The following DPP6 variants were observed in gnomAD, a reference collection of about 807,000 sequenced individuals.
DPP6 encodes the protein dipeptidyl peptidase like 6, also known as A-type potassium channel modulatory protein DPP6.
In DPP6, 69 loss-of-function variants were observed where a neutral mutation model predicts 122.6. That is an observed-to-expected ratio of 0.56 (90% CI 0.46 to 0.69). DPP6 has a LOEUF of 0.69. Ranked by LOEUF, DPP6 falls within the 30% of genes least tolerant of loss-of-function variation. The probability of loss-of-function intolerance (pLI) is 0.00; values close to 1 mark genes in which losing one functional copy is unlikely to be tolerated. For missense variants in DPP6, 928 were observed against 1,116.9 expected (o/e 0.83, Z 2.41); for synonymous variants, 418 against 433.1 (o/e 0.97, Z 0.43).
At chr7:154,218,260 C>G (rs1015189603) in intron 1 of DPP6, among the ~76,000 whole-genome samples, 2 of 152,254 alleles carry the variant, frequency 1.3e-5, no homozygotes, top group Admixed American at 1.3e-4. Context: ...TCTGGGGTCC[C>G]TAATCCACAC....
intron 1 of DPP6, among the ~76,000 whole-genome samples, chr7:154,405,968 C>T (rs1434048724): frequency 1.3e-5 from 2 of 152,068 alleles, no homozygotes; most frequent in Non-Finnish European, 2.9e-5. Flanking sequence ...ATTTGAAATG[C>T]GATGCGTAAC....
chr7:154,044,205 A>G lies in DPP6; in HGVS notation c.51+156471A>G, dbSNP rs535014244. Among the ~76,000 whole-genome samples the G allele has an allele frequency of 1.5e-4, 23 of 152,288 alleles. No individual in the cohort carries two copies. The South Asian group carries it at 3.5e-3, about 23-fold the overall frequency. On this transcript the variant is annotated intron_variant, in intron 1 of 25. Transcript: ENST00000404039. ...AATTGTTGAGAGAATTACTTTTTTGATTACCAAATTACTATGATTTGAAAT... is the reference window on the plus strand; with the variant it reads ...AATTGTTGAGAGAATTACTTTTTTGGTTACCAAATTACTATGATTTGAAAT...
chr7:153,877,386 GTTTA>G, the DPP6 span, among the ~76,000 whole-genome samples: 1 of 151,910 alleles, frequency 6.6e-6, no homozygotes, highest in Non-Finnish European at 1.5e-5. Context: ...ACAATTTTGT[GTTTA>G]TTATTATCAA....
At chr7:154,891,424 T>C (rs1054583102) in intron 25 of DPP6, among the ~76,000 whole-genome samples, 1 of 152,132 alleles carries the variant, frequency 6.6e-6, no homozygotes, top group African/African-American at 2.4e-5. Context: ...TAAGATTGTT[T>C]AATTCTCACA....
chr7:154,150,555 G>A (rs1312497171), intron 1 of DPP6, among the ~76,000 whole-genome samples: 1 of 152,232 alleles, frequency 6.6e-6, no homozygotes, highest in Non-Finnish European at 1.5e-5. Flanking sequence ...TGGAGGGTCA[G>A]TCTGAGCTCA....
At chr7:154,071,364 T>C (rs1803107847) in intron 1 of DPP6, among the ~76,000 whole-genome samples, 1 of 152,182 alleles carries the variant, frequency 6.6e-6, no homozygotes, top group Non-Finnish European at 1.5e-5. Context: ...GGAGTGACCC[T>C]CCGAAGGCCT....
chr7:153,936,826 TGTGAG>T (rs1801469802), intron 1 of DPP6, among the ~76,000 whole-genome samples: 1 of 149,344 alleles, frequency 6.7e-6, no homozygotes, highest in Non-Finnish European at 1.5e-5. Flanking sequence ...AAAAAAGAAA[TGTGAG>T]AGGAAGTGAC....
intron 1 of DPP6, chr7:154,094,961 C>T (rs999336327): frequency 1.3e-5 from 2 of 152,292 alleles, no homozygotes; most frequent in South Asian, 2.1e-4. Flanking sequence ...ACTTCCTGGC[C>T]ATCTCCTTTC....
At chr7:154,183,878 C>T (rs1377055993) in intron 1 of DPP6, among the ~76,000 whole-genome samples, 1 of 152,220 alleles carries the variant, frequency 6.6e-6, no homozygotes, top group African/African-American at 2.4e-5. Context: ...GGGTCATTCC[C>T]TCTGCATCGT....
At chr7:154,589,292 A>G (rs890903705) in intron 5 of DPP6, among the ~76,000 whole-genome samples, 2 of 152,206 alleles carry the variant, frequency 1.3e-5, no homozygotes. Flanking sequence ...GGATATTGAC[A>G]TGTACCTAGT....
At chr7:154,426,726 G>A (rs1424024558) in intron 1 of DPP6, among the ~76,000 whole-genome samples, 3 of 150,736 alleles carry the variant, frequency 2.0e-5, no homozygotes, top group Non-Finnish European at 2.9e-5. Context: ...CTGTTGAGAG[G>A]ATGTGTTGGA....
At chr7:154,349,324 C>T (rs993103705) in intron 1 of DPP6, among the ~76,000 whole-genome samples, 5 of 152,178 alleles carry the variant, frequency 3.3e-5, no homozygotes, top group Admixed American at 1.3e-4. Context: ...TACAGGCGCA[C>T]GCCACCACAC....
intron 1 of DPP6, among the ~76,000 whole-genome samples, chr7:154,128,557 G>A (rs1428056259): frequency 6.6e-6 from 1 of 152,056 alleles, no homozygotes; most frequent in African/African-American, 2.4e-5. Context: ...GCCCGCCACC[G>A]CGCCTGGCTA....
At chr7:153,766,049 G>C in the DPP6 span, among the ~76,000 whole-genome samples, 3 of 152,200 alleles carry the variant, frequency 2.0e-5, no homozygotes, top group Admixed American at 6.5e-5. Flanking sequence ...ATTTTGAGTG[G>C]TAAGGCTCCA....
chr7:154,137,242 T>G (rs1000867193), intron 1 of DPP6, among the ~76,000 whole-genome samples: 1 of 152,132 alleles, frequency 6.6e-6, no homozygotes, highest in Non-Finnish European at 1.5e-5. Context: ...TGGGGCCACC[T>G]CTTTGCATCC....
chr7:154,700,028 A>G (rs1396024272), intron 7 of DPP6, among the ~76,000 whole-genome samples: 21 of 152,350 alleles, frequency 1.4e-4, no homozygotes, highest in Non-Finnish European at 2.9e-5. Context: ...ATCATAATCC[A>G]TAATAATGCC....
chr7:153,921,235 G>C (rs1288585775), intron 1 of DPP6, among the ~76,000 whole-genome samples: 2 of 152,236 alleles, frequency 1.3e-5, no homozygotes, highest in Non-Finnish European at 2.9e-5. Flanking sequence ...ACCCTTGGTG[G>C]ATGCTCGGCA....
intron 4 of DPP6, among the ~76,000 whole-genome samples, chr7:154,545,339 C>T (rs994698372): frequency 6.6e-6 from 1 of 151,938 alleles, no homozygotes; most frequent in African/African-American, 2.4e-5. Flanking sequence ...AAAATTGGAT[C>T]TTTGGACATT....
the DPP6 span, among the ~76,000 whole-genome samples, chr7:153,796,836 C>T: frequency 2.0e-5 from 3 of 152,144 alleles, no homozygotes; most frequent in East Asian, 5.8e-4. Flanking sequence ...TACCCAGGAG[C>T]CCTGTGTGTT....
Sources: allele counts gnomAD v4.1 joint callset (sites outside exome capture counted in the v4.1 genomes callset), GRCh38; gene constraint gnomAD v4.1.1; transcripts MANE v1.5; gene names NCBI Gene and HGNC (gene_info 2026-07-23, HGNC 2026-07-21).